The following NEK7 variants were observed in gnomAD, a reference collection of about 807,000 sequenced individuals.
NEK7 encodes serine/threonine-protein kinase Nek7.
Under a neutral mutation model 44.6 loss-of-function variants are expected in NEK7, and 18 were observed. The observed-to-expected ratio is 0.40, with a 90% CI of 0.28 to 0.60. The LOEUF (loss-of-function observed/expected upper bound fraction) is 0.60. Among genes scored for constraint, NEK7 ranks in the 20% least tolerant of loss-of-function variants. The probability of loss-of-function intolerance (pLI) is 0.38; values close to 1 mark genes in which losing one functional copy is unlikely to be tolerated. For synonymous variants in NEK7, 130 were observed against 121.1 expected (o/e 1.07, Z -0.48); for missense variants, 256 against 366.5 (o/e 0.70, Z 2.46).
intron 1 of NEK7, among the ~76,000 whole-genome samples, chr1:198,186,563 G>A (rs1049355342): frequency 2.0e-5 from 3 of 152,170 alleles, no homozygotes; most frequent in African/African-American, 7.2e-5. Context: ...TTGTTGTTTG[G>A]CATACTTGGT....
Position 198,226,711 on chromosome 1 carries a change from A to G in NEK7, c.-28-5842A>G, listed in dbSNP as rs568232583. 4.3e-4 allele frequency among the ~76,000 whole-genome samples: 62 copies of G among 145,752 alleles called. 1 individual carries two copies. The South Asian group carries it at 0.013, about 31-fold the overall frequency. On this transcript the variant is annotated intron_variant, in intron 1 of 9. Transcript: ENST00000367385. Reference sequence around the variant, plus strand: ...TTTTGCTCTAATATTGGGGTGCCTCAGGGCTCAGAAGGAGTCCTTCTAACA... The same window carrying G: ...TTTTGCTCTAATATTGGGGTGCCTCGGGGCTCAGAAGGAGTCCTTCTAACA...
At chr1:198,315,687 G>A (rs1296287938) in intron 9 of NEK7, among the ~76,000 whole-genome samples, 2 of 152,200 alleles carry the variant, frequency 1.3e-5, no homozygotes, top group African/African-American at 4.8e-5. Context: ...GGTTGCTGAC[G>A]GTTAGGCAGG....
intron 2 of NEK7, among the ~76,000 whole-genome samples, chr1:198,233,833 C>T (rs546736276): frequency 5.9e-5 from 8 of 136,346 alleles, no homozygotes; most frequent in African/African-American, 1.9e-4. Flanking sequence ...ACGATCTTTT[C>T]TGCTTGTATG....
intron 7 of NEK7, among the ~76,000 whole-genome samples, chr1:198,280,610 C>G (rs1654164378): frequency 6.6e-6 from 1 of 151,676 alleles, no homozygotes; most frequent in Non-Finnish European, 1.5e-5. Flanking sequence ...AGGTGATATG[C>G]TAGTAGAAAT....
At chr1:198,272,355 A>C (rs1441696764) in intron 5 of NEK7, among the ~76,000 whole-genome samples, 1 of 151,866 alleles carries the variant, frequency 6.6e-6, no homozygotes. Context: ...GTGAGCAGTA[A>C]TTTTGGTAAC....
At chr1:198,275,660 T>A (rs1447963849) in intron 5 of NEK7, among the ~76,000 whole-genome samples, 1 of 151,528 alleles carries the variant, frequency 6.6e-6, no homozygotes, top group Non-Finnish European at 1.5e-5. Flanking sequence ...TTTCTTTTTT[T>A]AAATTCTTTG....
intron 1 of NEK7, among the ~76,000 whole-genome samples, chr1:198,202,722 C>T (rs1425182940): frequency 6.6e-6 from 1 of 152,112 alleles, no homozygotes; most frequent in African/African-American, 2.4e-5. Context: ...TTTATAAGAC[C>T]ATCAGATTTT....
intron 9 of NEK7, among the ~76,000 whole-genome samples, chr1:198,316,605 A>G (rs1430863119): frequency 1.3e-5 from 2 of 152,226 alleles, no homozygotes; most frequent in African/African-American, 4.8e-5. Context: ...AGTTTATAAT[A>G]GAATTATTTC....
Position 198,293,140 on chromosome 1 carries a change from T to C in NEK7, c.684+101T>C. The C allele has an allele frequency of 4.8e-6, 3 of 631,054 alleles. No individual in the cohort carries two copies. The South Asian group carries it at 7.4e-5, about 16-fold the overall frequency. 39.1% of individuals were successfully genotyped at this position (631,054 alleles called of 1,614,324 possible). A position where few individuals can be genotyped will look rare whatever the true frequency, so the allele number is the denominator to read the frequency against. ...TTACTTTTTTCTGGATGTTTAAGAA[T>C]CACCTTTTTAATTGTGAAGAATTTT... On this transcript the variant is annotated intron_variant, in intron 8 of 9. Transcript: ENST00000367385.
At chr1:198,175,451 C>T (rs977488027) in intron 1 of NEK7, among the ~76,000 whole-genome samples, 10 of 152,018 alleles carry the variant, frequency 6.6e-5, no homozygotes, top group African/African-American at 1.4e-4. Context: ...TTATCAACTT[C>T]GTTATGATAA....
At chr1:198,269,153 C>T (rs887592194) in intron 5 of NEK7, among the ~76,000 whole-genome samples, 6 of 152,088 alleles carry the variant, frequency 3.9e-5, no homozygotes, top group African/African-American at 1.4e-4. Context: ...CTTTGCTTGC[C>T]TGGCTATCTT....
At chr1:198,309,891 C>A (rs930267560) in intron 9 of NEK7, among the ~76,000 whole-genome samples, 1 of 152,154 alleles carries the variant, frequency 6.6e-6, no homozygotes, top group Admixed American at 6.5e-5. Context: ...GTGAATAATG[C>A]CGCAATAAAC....
intron 9 of NEK7, among the ~76,000 whole-genome samples, chr1:198,316,663 C>T (rs73082611): frequency 0.035 from 5,318 of 152,110 alleles, 182 homozygotes; most frequent in East Asian, 0.19. Flanking sequence ...GTCTATCTTC[C>T]GCTAGATTGT....
rs549522603 is a variant in NEK7, at chr1:198,207,170, A to T, written c.-28-25383A>T. On this transcript the variant is annotated intron_variant, in intron 1 of 9. Transcript: ENST00000367385. ...CCAGTATTTTTGATAATCTTATTAGAGTAGTAAGCAATAAAATAATGAGTG... is the reference window on the plus strand; with the variant it reads ...CCAGTATTTTTGATAATCTTATTAGTGTAGTAAGCAATAAAATAATGAGTG... 6 of 152,272 alleles carry T rather than the reference A, an allele frequency of 3.9e-5. No homozygotes were observed. In the South Asian group the frequency reaches 8.3e-4, roughly 21 times the overall value. The allele number at this position is 152,272 out of a possible 1,614,324, so 9.4% of individuals were successfully genotyped here.
chr1:198,284,297 CT>C (rs1287571103), intron 7 of NEK7, among the ~76,000 whole-genome samples: 2 of 152,036 alleles, frequency 1.3e-5, no homozygotes, highest in Non-Finnish European at 2.9e-5. Flanking sequence ...GACATTTTTT[CT>C]TTCTTTATAC....
intron 1 of NEK7, among the ~76,000 whole-genome samples, chr1:198,199,221 A>C (rs1665341113): frequency 6.6e-6 from 1 of 152,264 alleles, no homozygotes; most frequent in Admixed American, 6.5e-5. Flanking sequence ...ATATGGTTGC[A>C]GTAGAGGTTG....
intron 5 of NEK7, among the ~76,000 whole-genome samples, chr1:198,265,529 C>T (rs547940033): frequency 2.0e-5 from 3 of 152,140 alleles, no homozygotes; most frequent in South Asian, 2.1e-4. Flanking sequence ...AGCTATAGAC[C>T]GGCTGACTAG....
At chr1:198,182,569 GTAAT>G (rs1664798590) in intron 1 of NEK7, among the ~76,000 whole-genome samples, 1 of 152,130 alleles carries the variant, frequency 6.6e-6, no homozygotes, top group South Asian at 2.1e-4. Flanking sequence ...TGTATGAAAA[GTAAT>G]TAATCTGGAA....
intron 9 of NEK7, among the ~76,000 whole-genome samples, chr1:198,304,353 A>G (rs765253232): frequency 6.6e-5 from 10 of 152,176 alleles, no homozygotes; most frequent in Non-Finnish European, 1.3e-4. Flanking sequence ...ACTTTGGTGT[A>G]CAAGTTGGAT....
Sources: allele counts gnomAD v4.1 joint callset (sites outside exome capture counted in the v4.1 genomes callset), GRCh38; gene constraint gnomAD v4.1.1; transcripts MANE v1.5; gene names NCBI Gene and HGNC (gene_info 2026-07-23, HGNC 2026-07-21).